Variants in CDH4 observed in about 807,000 individuals in gnomAD.
CDH4 encodes cadherin-4.
In CDH4, 33 loss-of-function variants were observed where a neutral mutation model predicts 86.0. That is an observed-to-expected ratio of 0.38 (90% CI 0.29 to 0.51). The LOEUF (loss-of-function observed/expected upper bound fraction) is 0.51. Among genes scored for constraint, CDH4 ranks in the 20% least tolerant of loss-of-function variants. CDH4 has a pLI of 0.86. For synonymous variants in CDH4, 555 were observed against 549.4 expected (o/e 1.01, Z -0.14); for missense variants, 1,114 against 1,307.4 (o/e 0.85, Z 2.28).
intron 4 of CDH4, among the ~76,000 whole-genome samples, chr20:61,834,777 AG>A (rs1368118149): frequency 6.6e-6 from 1 of 152,170 alleles, no homozygotes; most frequent in Non-Finnish European, 1.5e-5. Context: ...ACTTGGCTTT[AG>A]CTGTGTGGCT....
chr20:61,736,647 G>A lies in CDH4; in HGVS notation c.170-6916G>A, dbSNP rs113101088. The stretch of plus-strand genomic sequence containing the variant: ...GGGAGGGAGGGAGGAAGGAAGGAAG[G>A]AGAGAGAGAGAGAGGGAGAGAGAGG... On this transcript the variant is annotated intron_variant, in intron 2 of 15. Transcript: ENST00000614565. Among the ~76,000 whole-genome samples the A allele has an allele frequency of 2.9e-5, 4 of 136,300 alleles. No homozygotes were observed. In the South Asian group the frequency reaches 8.9e-4, roughly 30 times the overall value. The allele number at this position is 136,300 out of a possible 152,430, so 89.4% of individuals were successfully genotyped here.
In CDH4 at chr20:61,811,042, C is replaced by T. The variant is rs528198080; in HGVS notation, c.577-33626C>T. Among the ~76,000 whole-genome samples the T allele has an allele frequency of 5.3e-5, 8 of 152,334 alleles. No homozygotes were observed. In the East Asian group the frequency reaches 5.8e-4, roughly 11 times the overall value. On this transcript the variant is annotated intron_variant, in intron 4 of 15. Transcript: ENST00000614565. This position sits in a 1 kb window ranked among gnomAD's most constrained non-coding sequence, Gnocchi z 4.4. Reference sequence around the variant, plus strand: ...TCTTCATCCCCTGCAAAACTAATGGCGCGGTGCTGACTGCCGCATCCTCAG... The same window carrying T: ...TCTTCATCCCCTGCAAAACTAATGGTGCGGTGCTGACTGCCGCATCCTCAG...
chr20:61,330,341 A>G (rs1018415950), intron 2 of CDH4, among the ~76,000 whole-genome samples: 9 of 152,206 alleles, frequency 5.9e-5, no homozygotes, highest in African/African-American at 2.2e-4. Flanking sequence ...CCAACAGTGT[A>G]AAAGTGTACC....
intron 4 of CDH4, among the ~76,000 whole-genome samples, chr20:61,840,242 G>A (rs1223640105): frequency 6.6e-6 from 1 of 152,166 alleles, no homozygotes; most frequent in South Asian, 2.1e-4. Context: ...GGAGGCCCTG[G>A]TGCAGGGGCC....
At chr20:61,808,575 G>A (rs1028774272) in intron 4 of CDH4, among the ~76,000 whole-genome samples, 3 of 152,162 alleles carry the variant, frequency 2.0e-5, no homozygotes, top group African/African-American at 7.2e-5. Flanking sequence ...ACATTAAAGG[G>A]AATTTATGCA....
chr20:61,502,646 C>T (rs1354266448), intron 2 of CDH4, among the ~76,000 whole-genome samples: 1 of 152,150 alleles, frequency 6.6e-6, no homozygotes, highest in Non-Finnish European at 1.5e-5. Flanking sequence ...TGGTGAGACT[C>T]ATATTTAGCT....
At chr20:61,536,851 G>T (rs2086001142) in intron 2 of CDH4, among the ~76,000 whole-genome samples, 2 of 152,312 alleles carry the variant, frequency 1.3e-5, no homozygotes, top group Non-Finnish European at 1.5e-5. Context: ...CAGAGAGCTG[G>T]CCAGGCCCAG....
chr20:61,778,263 C>T (rs904866752), intron 4 of CDH4, among the ~76,000 whole-genome samples: 4 of 152,114 alleles, frequency 2.6e-5, no homozygotes, highest in Non-Finnish European at 4.4e-5. Context: ...CAGCCTGATG[C>T]GGGGCGGCAA....
At chr20:61,478,365 G>C (rs185950932) in intron 2 of CDH4, among the ~76,000 whole-genome samples, 120 of 152,174 alleles carry the variant, frequency 7.9e-4, no homozygotes, top group Non-Finnish European at 9.8e-4. Context: ...CACCTGGCTA[G>C]GGGACAGTGG....
At chr20:61,845,194 C>T (rs759576798) in intron 5 of CDH4, among the ~76,000 whole-genome samples, 14 of 152,254 alleles carry the variant, frequency 9.2e-5, no homozygotes, top group Non-Finnish European at 1.8e-4. Flanking sequence ...GATGCTCCCT[C>T]GGGGCCCCTC....
intron 2 of CDH4, among the ~76,000 whole-genome samples, chr20:61,595,554 T>C (rs1261801904): frequency 1.3e-5 from 2 of 152,362 alleles, no homozygotes; most frequent in African/African-American, 4.8e-5. Flanking sequence ...GAACAAACAA[T>C]AAGAACTGCC....
chr20:61,766,227 T>C (rs973704538), intron 3 of CDH4, among the ~76,000 whole-genome samples: 7 of 143,482 alleles, frequency 4.9e-5, no homozygotes, highest in Non-Finnish European at 1.1e-4. Flanking sequence ...GCCCCAGCTC[T>C]CCCTAGCCAG....
intron 2 of CDH4, among the ~76,000 whole-genome samples, chr20:61,321,137 A>G (rs1271408383): frequency 6.6e-6 from 1 of 152,194 alleles, no homozygotes; most frequent in Non-Finnish European, 1.5e-5. Flanking sequence ...TCGAGAGCGC[A>G]TGCGAGAGAG....
At chr20:61,731,782 T>A (rs1049774285) in intron 2 of CDH4, among the ~76,000 whole-genome samples, 3 of 152,056 alleles carry the variant, frequency 2.0e-5, no homozygotes, top group Non-Finnish European at 2.9e-5. Flanking sequence ...CTGTTGCAGG[T>A]GTCCTGGCAC....
intron 4 of CDH4, among the ~76,000 whole-genome samples, chr20:61,826,302 G>A (rs975601214): frequency 4.6e-5 from 7 of 152,122 alleles, no homozygotes; most frequent in South Asian, 2.1e-4. Flanking sequence ...TACTGCCCTC[G>A]GCCATGCCAG....
chr20:61,570,544 T>C (rs2086333924), intron 2 of CDH4: 1 of 641,366 alleles, frequency 1.6e-6, no homozygotes, highest in Non-Finnish European at 2.8e-6. Flanking sequence ...GCACCTCTGC[T>C]TTACATCCAA....
intron 2 of CDH4, among the ~76,000 whole-genome samples, chr20:61,647,268 C>T (rs2087070854): frequency 6.6e-6 from 1 of 152,172 alleles, no homozygotes; most frequent in Non-Finnish European, 1.5e-5. Flanking sequence ...CCAAAGTCCC[C>T]TTGCAGACAC....
chr20:61,632,842 A>ACCCTCCCC (rs1381254780), intron 2 of CDH4, among the ~76,000 whole-genome samples: 24 of 72,478 alleles, frequency 3.3e-4, no homozygotes, highest in South Asian at 1.9e-3. Context: ...TCCTCTCCCC[A>ACCCTCCCC]CCCTCCCACC....
intron 2 of CDH4, among the ~76,000 whole-genome samples, chr20:61,283,430 G>T (rs1266320034): frequency 2.2e-5 from 3 of 138,762 alleles, no homozygotes; most frequent in African/African-American, 8.1e-5. Flanking sequence ...GTTTGCACGC[G>T]TGTGCTGTGG....
Sources: allele counts gnomAD v4.1 joint callset (sites outside exome capture counted in the v4.1 genomes callset), GRCh38; gene constraint gnomAD v4.1.1; non-coding constraint Gnocchi (gnomAD v3.1); transcripts MANE v1.5; gene names NCBI Gene and HGNC (gene_info 2026-07-23, HGNC 2026-07-21).